The following DGKH variants were observed in gnomAD, a reference collection of about 807,000 sequenced individuals.
DGKH encodes the protein diacylglycerol kinase eta, also known as DAG kinase eta.
A neutral mutation model predicts 159.3 loss-of-function variants in DGKH; 90 were observed. The ratio of observed to expected loss-of-function variants is 0.57; its 90% CI spans 0.48 to 0.67. The LOEUF (loss-of-function observed/expected upper bound fraction) is 0.67. Ranked by LOEUF, DGKH falls within the 30% of genes least tolerant of loss-of-function variation. The pLI, the probability that DGKH is intolerant of heterozygous loss-of-function variation, is 0.00. For synonymous variants in DGKH, 536 were observed against 553.8 expected, an observed-to-expected ratio of 0.97 and a Z score of 0.45; for missense variants, 1,181 against 1,506.1, an observed-to-expected ratio of 0.78 and a Z score of 3.57.
chr13:42,062,046 C>T (rs935746141), intron 1 of DGKH, among the ~76,000 whole-genome samples: 3 of 151,056 alleles, frequency 2.0e-5, no homozygotes, highest in African/African-American at 7.3e-5. Context: ...GATAGACTCT[C>T]TTTGATAAGG....
In DGKH at chr13:42,155,397, TA is replaced by T. The variant is rs1956018398; in HGVS notation, c.489+6del. 2 of 1,606,760 alleles carry T rather than the reference TA, an allele frequency of 1.2e-6. No homozygotes were observed. The highest frequency in any genetic ancestry group is 1.7e-6 in the Non-Finnish European group (2 of 1,176,738). On this transcript the variant is annotated splice_donor_region_variant and intron_variant, in intron 4 of 29. Coordinates refer to ENST00000337343, the MANE Select transcript of DGKH (RefSeq NM_178009.5). Reference sequence around the variant, plus strand: ...GTACAGACCAGAGAACCCTACGAGGTAAAATAGCATCTTTTCTTTCATCTCG... The same window carrying T: ...GTACAGACCAGAGAACCCTACGAGGTAAATAGCATCTTTTCTTTCATCTCG...
At chr13:42,196,339 A>C (rs1443557674) in intron 17 of DGKH, among the ~76,000 whole-genome samples, 1 of 152,216 alleles carries the variant, frequency 6.6e-6, no homozygotes. Context: ...TCTACACAAA[A>C]ACTTGTTCAT....
rs142740302 is a variant in DGKH, at chr13:42,069,569, C to T, written c.192+20604C>T. On this transcript the variant is annotated intron_variant, in intron 1 of 29. Coordinates refer to ENST00000337343, the MANE Select transcript of DGKH (RefSeq NM_178009.5). ...TTTCCAGCCAGTTGCCGTGATGCTTCCTCTAGCGCTATCTGGGCTTTAACC... is the reference window on the plus strand; with the variant it reads ...TTTCCAGCCAGTTGCCGTGATGCTTTCTCTAGCGCTATCTGGGCTTTAACC... 186 of 1,589,168 alleles carry T rather than the reference C, an allele frequency of 1.2e-4. 1 individual carries two copies. In the African/African-American group the frequency reaches 2.1e-3, roughly 18 times the overall value.
chr13:42,095,156 CTT>C (rs776422302), intron 1 of DGKH, among the ~76,000 whole-genome samples: 3 of 76,802 alleles, frequency 3.9e-5, no homozygotes, highest in Admixed American at 1.9e-4. Flanking sequence ...ATGTTGACTC[CTT>C]TTTTTTTTTT....
chr13:42,217,766 G>C (rs1957838390), intron 26 of DGKH, among the ~76,000 whole-genome samples: 1 of 152,142 alleles, frequency 6.6e-6, no homozygotes, highest in South Asian at 2.1e-4. Flanking sequence ...AGGCTCAGTG[G>C]CTCACGCCTG....
intron 1 of DGKH, among the ~76,000 whole-genome samples, chr13:42,089,465 A>G (rs1954372566): frequency 6.6e-6 from 1 of 152,226 alleles, no homozygotes; most frequent in Admixed American, 6.5e-5. Context: ...GGAGGTCTGA[A>G]GTCCAGAATG....
chr13:42,136,982 T>A (rs1955415309), intron 3 of DGKH, among the ~76,000 whole-genome samples: 1 of 152,236 alleles, frequency 6.6e-6, no homozygotes, highest in African/African-American at 2.4e-5. Flanking sequence ...TCAGAAATTA[T>A]GCATTCATAA....
At chr13:42,247,167 T>C (rs117169766), downstream of DGKH, among the ~76,000 whole-genome samples, 725 of 152,124 alleles carry the variant, frequency 4.8e-3, 20 homozygotes, top group East Asian at 0.042. Flanking sequence ...TACATAATAC[T>C]TAATGATGAC....
chr13:42,163,191 C>A (rs1956233761), intron 7 of DGKH, among the ~76,000 whole-genome samples: 1 of 151,532 alleles, frequency 6.6e-6, no homozygotes. Flanking sequence ...AGGACATGAA[C>A]TCATCATTTT....
intron 29 of DGKH, among the ~76,000 whole-genome samples, chr13:42,224,901 A>T (rs201315270): frequency 0.017 from 2,390 of 144,240 alleles, 49 homozygotes; most frequent in African/African-American, 0.054. Context: ...AAGGAAAAAA[A>T]AAATATATAT....
In DGKH at chr13:42,207,034, T is replaced by C. The variant is rs879512905; in HGVS notation, c.2601+888T>C. On this transcript the variant is annotated intron_variant, in intron 21 of 29. Transcript: ENST00000337343. ...TTCTTTCTTTCTTTCTTTTTCTTTC[T>C]TTCTTTCCTTCTTTCCTTCTTTCCT... 4.9e-3 allele frequency among the ~76,000 whole-genome samples: 429 copies of C among 87,486 alleles called. 10 individuals carry two copies. Among genetic ancestry groups the C allele is most frequent in the African/African-American group, 0.01 (216 of 20,734 alleles). The allele number at this position is 87,486 out of a possible 152,430, so 57.4% of individuals were successfully genotyped here. A position where few individuals can be genotyped will look rare whatever the true frequency, so the allele number is the denominator to read the frequency against.
At chr13:42,078,789 A>G (rs558606604) in intron 1 of DGKH, among the ~76,000 whole-genome samples, 1 of 152,068 alleles carries the variant, frequency 6.6e-6, no homozygotes, top group Non-Finnish European at 1.5e-5. Flanking sequence ...AGACAAAAAT[A>G]CCTTAAGAAT....
intron 1 of DGKH, among the ~76,000 whole-genome samples, chr13:42,099,401 C>T (rs1027057866): frequency 4.6e-5 from 7 of 152,208 alleles, no homozygotes; most frequent in African/African-American, 1.7e-4. Context: ...GCAGTGGACA[C>T]AGAAAATTTC....
downstream of DGKH, among the ~76,000 whole-genome samples, chr13:42,243,174 C>A (rs955600696): frequency 5.8e-4 from 88 of 152,198 alleles, no homozygotes; most frequent in African/African-American, 2.0e-3. Flanking sequence ...GGCATACCTA[C>A]TTCCCTCTTG....
rs1234649924 is a variant in DGKH at position 42,240,919 on chromosome 13, C to G, written c.*11731C>G. The G allele has an allele frequency of 6.6e-6, 1 of 152,094 alleles. No homozygotes were observed. The highest frequency in any genetic ancestry group is 1.5e-5 in the Non-Finnish European group (1 of 68,048). 9.4% of individuals were successfully genotyped at this position (152,094 alleles called of 1,614,324 possible). A position where few individuals can be genotyped will look rare whatever the true frequency, so the allele number is the denominator to read the frequency against. On this transcript the variant is annotated 3_prime_UTR_variant, in exon 30 of 30. Coordinates refer to ENST00000337343, the MANE Select transcript of DGKH (RefSeq NM_178009.5). ...ATTACCTGAGGTCAGGAGCTCGAGA[C>G]AAGTCAACATGGTGAAACCTCATCT...
chr13:42,047,789 GCA>G (rs771934346), upstream of DGKH, among the ~76,000 whole-genome samples: 1 of 152,140 alleles, frequency 6.6e-6, no homozygotes, highest in Admixed American at 6.5e-5. Flanking sequence ...ACTGGTGTTC[GCA>G]TGGCTCGAGT....
chr13:42,052,310 T>C (rs775106118), intron 1 of DGKH, among the ~76,000 whole-genome samples: 6 of 152,238 alleles, frequency 3.9e-5, no homozygotes, highest in Non-Finnish European at 8.8e-5. Context: ...TTTCTTTGTA[T>C]GTCTATGCTG....
intron 7 of DGKH, 50 bp from the exon 8 acceptor site, chr13:42,165,281 G>T: frequency 9.8e-7 from 1 of 1,019,422 alleles, no homozygotes; most frequent in Non-Finnish European, 1.4e-6. Flanking sequence ...GATTTATAAT[G>T]GCAGAACATT....
At chr13:42,070,003 G>T in intron 1 of DGKH, 1 of 833,642 alleles carries the variant, frequency 1.2e-6, no homozygotes, top group South Asian at 1.5e-5. Context: ...ATCATGCTCT[G>T]AAAACTGACA....
Sources: gnomAD v4.1 joint callset for allele counts (sites outside exome capture counted in the v4.1 genomes callset) on GRCh38, gnomAD v4.1.1 for gene constraint, MANE v1.5 for transcripts, NCBI Gene and HGNC (gene_info 2026-07-23, HGNC 2026-07-21) for gene names.